HSPBAP1: variants seen among roughly 807,000 people sequenced by gnomAD.
HSPBAP1 encodes the protein HSPB1 associated protein 1, also known as HSPB1-associated protein 1.
Under a neutral mutation model 45.2 loss-of-function variants are expected in HSPBAP1, and 27 were observed. The observed-to-expected ratio is 0.60, with a 90% CI of 0.44 to 0.82. The LOEUF (loss-of-function observed/expected upper bound fraction) is 0.82, where lower values mean the gene tolerates loss of function less well. Among genes scored for constraint, HSPBAP1 ranks in the 40% least tolerant of loss-of-function variants. The probability of loss-of-function intolerance (pLI) is 0.00; values close to 1 mark genes in which losing one functional copy is unlikely to be tolerated. For missense variants in HSPBAP1, 510 were observed against 590.9 expected, an observed-to-expected ratio of 0.86 and a Z score of 1.42; for synonymous variants, 204 against 202.7, an observed-to-expected ratio of 1.01 and a Z score of -0.06.
intron 6 of HSPBAP1, among the ~76,000 whole-genome samples, chr3:122,749,782 G>A (rs1934058775): frequency 6.6e-6 from 1 of 151,562 alleles, no homozygotes. Context: ...CTAATTTTTT[G>A]TATTTTTTTA....
chr3:122,760,965 T>C (rs1487977025), intron 3 of HSPBAP1, among the ~76,000 whole-genome samples: 1 of 152,186 alleles, frequency 6.6e-6, no homozygotes, highest in African/African-American at 2.4e-5. Flanking sequence ...TAATGAGTGA[T>C]AATCCCATAA....
intron 3 of HSPBAP1, chr3:122,762,092 A>G (rs967344440): frequency 6.6e-6 from 1 of 152,184 alleles, no homozygotes; most frequent in African/African-American, 2.4e-5. Flanking sequence ...ATTCTACACC[A>G]TCCCTGAAAA....
At chr3:122,765,305 G>A (rs1934737591) in intron 3 of HSPBAP1, among the ~76,000 whole-genome samples, 2 of 152,076 alleles carry the variant, frequency 1.3e-5, no homozygotes, top group Non-Finnish European at 1.5e-5. Context: ...TTTTGGCTGG[G>A]CATGATGGCT....
chr3:122,775,739 A>T (rs1440228360), intron 2 of HSPBAP1, among the ~76,000 whole-genome samples: 1 of 152,234 alleles, frequency 6.6e-6, no homozygotes, highest in Non-Finnish European at 1.5e-5. Flanking sequence ...TCAAAATGTT[A>T]AACACAGAAT....
intron 6 of HSPBAP1, among the ~76,000 whole-genome samples, chr3:122,742,174 T>G (rs1227823856): frequency 1.3e-5 from 2 of 149,216 alleles, no homozygotes; most frequent in East Asian, 3.9e-4. Context: ...TATTGATATA[T>G]ATACATATAT....
chr3:122,755,269 G>C lies in HSPBAP1; in HGVS notation c.732C>G (p.Ser244Arg). 1 of 1,578,832 alleles carries C rather than the reference G, an allele frequency of 6.3e-7. No individual in the cohort carries two copies. Residue 244 changes from serine (S) to arginine (R), a missense_variant, in exon 5 of 8, where the codon AGC (serine) becomes AGG (arginine). Coordinates refer to ENST00000306103, the MANE Select transcript of HSPBAP1 (RefSeq NM_024610.6). ...TTTAAAGCCCTATTACCTGTCCTGG[G>C]CTCAGTGTAACCGCATGTCTTTGAG... ...RKAQRHAVTLSPGQVLFVPRH... is the reference protein window; with the variant it reads ...RKAQRHAVTLRPGQVLFVPRH...
In HSPBAP1 at chr3:122,759,219, ATT is replaced by A; in HGVS notation, c.569+3_569+4del. On this transcript the variant is annotated splice_donor_region_variant and intron_variant, in intron 4 of 7. Transcript: ENST00000306103. ...CACACACACACACACACACACACAC[ATT>A]ACCTTCCTTGTACCTGGAATACCAA... The A allele has an allele frequency of 6.2e-7, 1 of 1,609,138 alleles. No homozygotes were observed. Among genetic ancestry groups the A allele is most frequent in the Non-Finnish European group, 8.5e-7 (1 of 1,178,146 alleles).
At chr3:122,758,829 T>C in intron 4 of HSPBAP1, 1 of 451,038 alleles carries the variant, frequency 2.2e-6, no homozygotes, top group Non-Finnish European at 4.4e-6. Context: ...GTCCAGGAGC[T>C]ATGATCATGC....
intron 4 of HSPBAP1, 78 bp from the exon 5 acceptor site, chr3:122,755,509 G>A (rs1934320799): frequency 9.1e-7 from 1 of 1,099,530 alleles, no homozygotes; most frequent in Non-Finnish European, 1.2e-6. Context: ...CAAAAGCTAA[G>A]TGTTCATTTT....
intron 4 of HSPBAP1, chr3:122,758,896 CAAAAAAAAA>C (rs11369405): frequency 5.0e-6 from 1 of 199,310 alleles, no homozygotes; most frequent in South Asian, 3.8e-5. Flanking sequence ...TCTAATTTAC[CAAAAAAAAA>C]AAAAAAAAAA....
At chr3:122,781,479 G>A (rs1007455565) in intron 1 of HSPBAP1, among the ~76,000 whole-genome samples, 2 of 152,208 alleles carry the variant, frequency 1.3e-5, no homozygotes, top group Non-Finnish European at 2.9e-5. Context: ...CAGGCAGGGA[G>A]GTTGCAGTGA....
At chr3:122,764,057 T>G (rs1024668697) in intron 3 of HSPBAP1, among the ~76,000 whole-genome samples, 2 of 152,278 alleles carry the variant, frequency 1.3e-5, no homozygotes, top group Non-Finnish European at 2.9e-5. Context: ...CATATCCATC[T>G]GTCCCTTGCC....
At chr3:122,746,033 T>G (rs1933835338) in intron 6 of HSPBAP1, among the ~76,000 whole-genome samples, 1 of 152,224 alleles carries the variant, frequency 6.6e-6, no homozygotes, top group Admixed American at 6.5e-5. Context: ...CAATCGGGTT[T>G]GGTAATACTC....
intron 6 of HSPBAP1, among the ~76,000 whole-genome samples, chr3:122,747,582 T>G (rs1235300337): frequency 1.0e-4 from 9 of 86,910 alleles, no homozygotes; most frequent in South Asian, 4.0e-4. Context: ...GGGAGGGAGG[T>G]GGGGGGTCAG....
At chr3:122,754,625 G>C (rs886388138) in intron 5 of HSPBAP1, 6 of 984,422 alleles carry the variant, frequency 6.1e-6, no homozygotes, top group African/African-American at 1.7e-5. Flanking sequence ...AGGGATAATC[G>C]AGAGAATAAA....
At chr3:122,759,400 A>G (rs1934488747) in intron 3 of HSPBAP1, 40 bp from the exon 4 acceptor site, 1 of 1,595,788 alleles carries the variant, frequency 6.3e-7, no homozygotes, top group Non-Finnish European at 8.6e-7. Context: ...AGAACTAACC[A>G]ACTTCTCTGT....
Position 122,740,401 on chromosome 3 carries a change from T to G in HSPBAP1, c.1411A>C (p.Asn471His). ...GCCACTATCCTGGTTACTTGTGGAT[T>G]CACCAAGCAGTCCAGCAAGTCATCC... ...STDDLLDCLVNPQVTRIVAQL... is the reference protein window; with the variant it reads ...STDDLLDCLVHPQVTRIVAQL... Residue 471 changes from asparagine to histidine, a missense_variant, in exon 8 of 8, where the codon AAT (asparagine) becomes CAT (histidine). Transcript: ENST00000306103. 2 of 1,613,822 alleles carry G rather than the reference T, an allele frequency of 1.2e-6. No individual in the cohort carries two copies. Among genetic ancestry groups the G allele is most frequent in the Non-Finnish European group, 8.5e-7 (1 of 1,179,706 alleles).
At chr3:122,788,906 C>T (rs536308412) in intron 1 of HSPBAP1, among the ~76,000 whole-genome samples, 17 of 152,096 alleles carry the variant, frequency 1.1e-4, no homozygotes, top group Non-Finnish European at 1.5e-4. Flanking sequence ...ACTACTAACA[C>T]TGAAAAATGG....
At chr3:122,781,938 G>A (rs1429078612) in intron 1 of HSPBAP1, among the ~76,000 whole-genome samples, 1 of 152,120 alleles carries the variant, frequency 6.6e-6, no homozygotes, top group African/African-American at 2.4e-5. Context: ...ACACATGAAG[G>A]CAGGTGAAAA....
Sources: gnomAD v4.1 joint callset for allele counts (sites outside exome capture counted in the v4.1 genomes callset) on GRCh38, gnomAD v4.1.1 for gene constraint, MANE v1.5 for transcripts, NCBI Gene and HGNC (gene_info 2026-07-23, HGNC 2026-07-21) for gene names.